RTN4: variants seen among roughly 807,000 people sequenced by gnomAD.
The protein encoded by RTN4 is reticulon-4.
In RTN4, 32 loss-of-function variants were observed where a neutral mutation model predicts 90.4. That is an observed-to-expected ratio of 0.35 (90% CI 0.27 to 0.48). The LOEUF (loss-of-function observed/expected upper bound fraction) is 0.48. Ranked by LOEUF, RTN4 falls within the 20% of genes least tolerant of loss-of-function variation. RTN4 has a pLI of 0.99. For synonymous variants in RTN4, 629 were observed against 552.5 expected (o/e 1.14, Z -1.94); for missense variants, 1,706 against 1,430.2 (o/e 1.19, Z -3.11).
rs749799212 is a variant in RTN4 at position 55,027,321 on chromosome 2, G to A, written c.778C>T (p.Pro260Ser). The A allele has an allele frequency of 5.9e-5, 95 of 1,613,486 alleles. No individual in the cohort carries two copies. Among genetic ancestry groups the A allele is most frequent in the Non-Finnish European group, 7.6e-5 (90 of 1,179,722 alleles). ...TTTTCTTGAAGTGTTCCTTCAGTGG[G>A]TAATACTGTTGACAAATTACCAAGG... ...EYLGNLSTVL[P>S]TEGTLQENVS... The change falls in exon 3 of 9, where the codon CCC (proline) becomes TCC (serine). Residue 260 changes from proline (P) to serine (S), a missense_variant. Pro to Ser is a moderately conservative substitution (Grantham distance 74). Coordinates refer to ENST00000337526, the MANE Select transcript of RTN4 (RefSeq NM_020532.5).
intron 3 of RTN4, among the ~76,000 whole-genome samples, chr2:54,999,353 G>A (rs189569153): frequency 1.3e-5 from 2 of 152,286 alleles, no homozygotes; most frequent in Admixed American, 1.3e-4. Context: ...CCTGCATTGT[G>A]CATGCCTTAC....
chr2:55,120,672 G>A, the RTN4 span, among the ~76,000 whole-genome samples: 1 of 152,108 alleles, frequency 6.6e-6, no homozygotes, highest in African/African-American at 2.4e-5. Context: ...GTCTCTGAGT[G>A]AAGCCCTCAA....
chr2:54,990,939 T>C (rs1678964936), intron 3 of RTN4, among the ~76,000 whole-genome samples: 1 of 152,022 alleles, frequency 6.6e-6, no homozygotes, highest in Non-Finnish European at 1.5e-5. Flanking sequence ...CCCGCCACCA[T>C]GCCCGGCTGA....
chr2:54,985,674 C>A (rs962636201), intron 4 of RTN4, among the ~76,000 whole-genome samples: 11 of 152,186 alleles, frequency 7.2e-5, no homozygotes, highest in African/African-American at 2.4e-4. Context: ...TACTTCATCA[C>A]AAAGAGAAAG....
At chr2:55,081,089 T>C (rs1228013508) in intron 1 of RTN4, among the ~76,000 whole-genome samples, 1 of 152,064 alleles carries the variant, frequency 6.6e-6, no homozygotes, top group Non-Finnish European at 1.5e-5. Context: ...TTCTTTCTTA[T>C]TTTGAAACAG....
At chr2:55,084,132 G>C (rs570328803) in intron 1 of RTN4, among the ~76,000 whole-genome samples, 22 of 152,224 alleles carry the variant, frequency 1.4e-4, no homozygotes, top group African/African-American at 5.1e-4. Flanking sequence ...ATGTCTACAT[G>C]ATTAAGCCTC....
At chr2:55,040,131 A>G (rs1268586250) in intron 1 of RTN4, among the ~76,000 whole-genome samples, 2 of 152,162 alleles carry the variant, frequency 1.3e-5, no homozygotes, top group African/African-American at 4.8e-5. Flanking sequence ...ATGAAATACT[A>G]ACTTGATCTT....
Position 55,026,180 on chromosome 2 carries a change from T to C in RTN4, c.1919A>G (p.Glu640Gly), listed in dbSNP as rs756375277. 6.2e-7 allele frequency: 1 copy of C among 1,613,622 alleles called. No homozygotes were observed. The highest frequency in any genetic ancestry group is 1.1e-5 in the South Asian group (1 of 91,072). ...GCTTTCATAATTAACTGAAGAAGCT[T>C]CTAATGGTGATGAGCTGGGCTGTAT... ...SVIQPSSSPL[E>G]ASSVNYESIK... Residue 640 changes from glutamate (E) to glycine (G), a missense_variant, in exon 3 of 9, where the codon GAA becomes GGA. Glu to Gly is a moderately conservative substitution (Grantham distance 98). Coordinates refer to ENST00000337526, the MANE Select transcript of RTN4 (RefSeq NM_020532.5).
At chr2:55,092,189 T>TAA (rs58296702) in intron 1 of RTN4, among the ~76,000 whole-genome samples, 1 of 143,476 alleles carries the variant, frequency 7.0e-6, no homozygotes. Flanking sequence ...GACCATGACT[T>TAA]AAAAAAAAAA....
intron 1 of RTN4, among the ~76,000 whole-genome samples, chr2:55,033,021 C>A (rs1222148583): frequency 2.0e-5 from 3 of 150,796 alleles, no homozygotes; most frequent in Non-Finnish European, 4.4e-5. Flanking sequence ...CAGTTAAGAC[C>A]CTGTCTCTTT....
At chr2:55,028,308 T>C (rs1682060104) in intron 1 of RTN4, 88 bp from the exon 2 acceptor site, 1 of 1,171,118 alleles carries the variant, frequency 8.5e-7, no homozygotes, top group Non-Finnish European at 1.2e-6. Flanking sequence ...AGGGTTCAGT[T>C]TGTAATAAGT....
At chr2:55,130,400 G>A in the RTN4 span, among the ~76,000 whole-genome samples, 3 of 152,140 alleles carry the variant, frequency 2.0e-5, no homozygotes, top group Non-Finnish European at 4.4e-5. Flanking sequence ...GTGAGGTGAT[G>A]GATATGTTAA....
chr2:55,105,508 G>A (rs1304809981), intron 1 of RTN4, among the ~76,000 whole-genome samples: 1 of 152,022 alleles, frequency 6.6e-6, no homozygotes. Flanking sequence ...GGGATTACAG[G>A]CATGAGCCAC....
chr2:55,049,361 G>C (rs576161778), intron 1 of RTN4, among the ~76,000 whole-genome samples: 1 of 152,138 alleles, frequency 6.6e-6, no homozygotes, highest in African/African-American at 2.4e-5. Flanking sequence ...TGGGTGCCAA[G>C]GCCTTTCCTT....
intron 1 of RTN4, among the ~76,000 whole-genome samples, chr2:55,047,437 ACTC>A (rs1327122580): frequency 1.3e-5 from 2 of 151,938 alleles, no homozygotes; most frequent in African/African-American, 4.8e-5. Flanking sequence ...AGATTGAGTT[ACTC>A]CTCATCTTCT....
chr2:55,032,981 T>C (rs767046808), intron 1 of RTN4, among the ~76,000 whole-genome samples: 9 of 150,396 alleles, frequency 6.0e-5, no homozygotes, highest in African/African-American at 1.2e-4. Context: ...CAAGCCATGA[T>C]CACGCCACTG....
chr2:55,093,566 C>T (rs1668978552), intron 1 of RTN4, among the ~76,000 whole-genome samples: 1 of 152,104 alleles, frequency 6.6e-6, no homozygotes, highest in Non-Finnish European at 1.5e-5. Context: ...GATGCTTCTT[C>T]CGGAGGAAGC....
chr2:54,987,712 A>C lies in RTN4; in HGVS notation c.3014-14T>G. The stretch of plus-strand genomic sequence containing the variant: ...GGAGGTCAACAACTAAAAATTGAAA[A>C]AGAAATCTGAAATTAGAATGTTATT... On this transcript the variant is annotated splice_polypyrimidine_tract_variant and intron_variant, in intron 3 of 8. Coordinates refer to ENST00000337526, the MANE Select transcript of RTN4 (RefSeq NM_020532.5). 1 of 1,581,640 alleles carries C rather than the reference A, an allele frequency of 6.3e-7. No individual in the cohort carries two copies. Among genetic ancestry groups the C allele is most frequent in the Non-Finnish European group, 8.6e-7 (1 of 1,156,764 alleles).
intron 1 of RTN4, among the ~76,000 whole-genome samples, chr2:55,042,594 G>C (rs559332044): frequency 1.1e-3 from 165 of 152,332 alleles, no homozygotes; most frequent in African/African-American, 3.8e-3. Context: ...GTAACAGGTA[G>C]AAAGAGTTAC....
Sources: allele counts gnomAD v4.1 joint callset (sites outside exome capture counted in the v4.1 genomes callset), GRCh38; gene constraint gnomAD v4.1.1; transcripts MANE v1.5; gene names NCBI Gene and HGNC (gene_info 2026-07-23, HGNC 2026-07-21).